BCAR3: variants seen among roughly 807,000 people sequenced by gnomAD.
BCAR3 encodes breast cancer anti-estrogen resistance protein 3.
A neutral mutation model predicts 80.1 loss-of-function variants in BCAR3; 37 were observed. That is an observed-to-expected ratio of 0.46 (90% CI 0.36 to 0.61). The LOEUF is 0.61. BCAR3 is among the 20% of genes least tolerant of loss of function. The pLI, the probability that BCAR3 is intolerant of heterozygous loss-of-function variation, is 0.00. For missense variants in BCAR3, 978 were observed against 1,068.2 expected, an observed-to-expected ratio of 0.92 and a Z score of 1.18; for synonymous variants, 389 against 418.9, an observed-to-expected ratio of 0.93 and a Z score of 0.87.
intron 2 of BCAR3, among the ~76,000 whole-genome samples, chr1:93,815,426 C>T (rs545780705): frequency 6.6e-6 from 1 of 152,256 alleles, no homozygotes; most frequent in African/African-American, 2.4e-5. Flanking sequence ...AGAACAGAGG[C>T]ATTTGCAGTA....
intron 7 of BCAR3, among the ~76,000 whole-genome samples, chr1:93,578,097 G>A (rs987616294): frequency 2.0e-5 from 3 of 152,208 alleles, no homozygotes; most frequent in African/African-American, 7.2e-5. Flanking sequence ...CACCCCCGAT[G>A]AGGCTTCCTT....
chr1:93,573,609 T>TTTTTATTATTATTA (rs760911546), intron 8 of BCAR3, among the ~76,000 whole-genome samples: 4 of 142,812 alleles, frequency 2.8e-5, no homozygotes, highest in African/African-American at 1.1e-4. Context: ...AAAATATATT[T>TTTTTATTATTATTA]TTATTATTAT....
chr1:93,669,775 A>G, intron 2 of BCAR3, among the ~76,000 whole-genome samples: 1 of 152,258 alleles, frequency 6.6e-6, no homozygotes, highest in East Asian at 1.9e-4. Context: ...GAATGAATTA[A>G]CAGCATTTGC....
intron 2 of BCAR3, among the ~76,000 whole-genome samples, chr1:93,777,787 T>C (rs1162712985): frequency 1.3e-5 from 2 of 152,204 alleles, no homozygotes; most frequent in African/African-American, 4.8e-5. Flanking sequence ...CCTTCTCCAC[T>C]ATTTGGTTAC....
At chr1:93,614,695 G>A (rs566825203) in intron 3 of BCAR3, among the ~76,000 whole-genome samples, 4 of 152,258 alleles carry the variant, frequency 2.6e-5, no homozygotes, top group South Asian at 2.1e-4. Context: ...CACCCTGAGC[G>A]CCCTATGCCC....
At position 93,567,415 on chromosome 1, in the gene BCAR3, AGCCTG is replaced by A; in HGVS notation, c.2158_2162del (p.Gln720CysfsTer4). 1 of 1,614,222 alleles carries A rather than the reference AGCCTG, an allele frequency of 6.2e-7. No individual in the cohort carries two copies. Among genetic ancestry groups the A allele is most frequent in the Admixed American group, 1.7e-5 (1 of 60,024 alleles). On this transcript the variant is annotated frameshift_variant, in exon 11 of 12. Transcript: ENST00000260502. LOFTEE classifies it high-confidence loss of function. ...ACATGTCGGTTCCTTCAAAAGTCAC[AGCCTG>A]GCGCTCCATTAACGTCACAAGCGGC...
chr1:93,615,430 T>C (rs368845755), intron 3 of BCAR3, among the ~76,000 whole-genome samples: 68 of 152,318 alleles, frequency 4.5e-4, no homozygotes, highest in South Asian at 1.9e-3. Context: ...TGAGGCGCTA[T>C]TGCCACAGCG....
chr1:93,771,726 C>T (rs1327378357), intron 2 of BCAR3, among the ~76,000 whole-genome samples: 1 of 152,214 alleles, frequency 6.6e-6, no homozygotes, highest in African/African-American at 2.4e-5. Context: ...ATGAACACCT[C>T]ACGCAACACA....
At chr1:93,633,227 A>G (rs79053973) in intron 3 of BCAR3, among the ~76,000 whole-genome samples, 1,775 of 152,212 alleles carry the variant, frequency 0.012, 37 homozygotes, top group African/African-American at 0.041. Context: ...TTCTGGCACA[A>G]TGCTAGGTAC....
chr1:93,714,071 C>T (rs1263013486), intron 2 of BCAR3, among the ~76,000 whole-genome samples: 1 of 152,156 alleles, frequency 6.6e-6, no homozygotes, highest in Non-Finnish European at 1.5e-5. Context: ...CAAGCTCCGC[C>T]TCCTGGGTTC....
chr1:93,600,548 C>T (rs1278358932), intron 3 of BCAR3: 1 of 152,216 alleles, frequency 6.6e-6, no homozygotes, highest in Non-Finnish European at 1.5e-5. Context: ...GTTATGCTTC[C>T]AAGGGCTCAC....
At chr1:93,772,481 C>T (rs976415869) in intron 2 of BCAR3, among the ~76,000 whole-genome samples, 5 of 152,198 alleles carry the variant, frequency 3.3e-5, no homozygotes, top group African/African-American at 1.2e-4. Context: ...TTAGCTCTTT[C>T]CCAGCATCTA....
chr1:93,674,473 A>G (rs988895766), intron 2 of BCAR3, 141 bp downstream of exon 2: 20 of 919,360 alleles, frequency 2.2e-5, no homozygotes, highest in Non-Finnish European at 3.0e-5. Context: ...TCTGGTCTCA[A>G]ACTCCTAACC....
intron 2 of BCAR3, among the ~76,000 whole-genome samples, chr1:93,826,701 G>T (rs890433682): frequency 3.3e-5 from 5 of 152,132 alleles, no homozygotes; most frequent in South Asian, 2.1e-4. Context: ...CAGGAATTGG[G>T]GGCAGAACAG....
chr1:93,798,813 T>G (rs1295115453), intron 2 of BCAR3, among the ~76,000 whole-genome samples: 2 of 152,132 alleles, frequency 1.3e-5, no homozygotes, highest in African/African-American at 2.4e-5. Context: ...CTCCTGCAAA[T>G]TCTGACTGGG....
intron 11 of BCAR3, 63 bp from the exon 12 acceptor site, chr1:93,562,482 T>C (rs1672725857): frequency 6.5e-7 from 1 of 1,535,354 alleles, no homozygotes; most frequent in African/African-American, 1.4e-5. Flanking sequence ...AAAAATAGAC[T>C]GAAAGCACCA....
At chr1:93,614,334 G>T (rs1675039489) in intron 3 of BCAR3, among the ~76,000 whole-genome samples, 1 of 152,108 alleles carries the variant, frequency 6.6e-6, no homozygotes. Flanking sequence ...TTCTGGGGCT[G>T]AACTGTACCA....
intron 3 of BCAR3, among the ~76,000 whole-genome samples, chr1:93,704,644 G>A (rs1281092250): frequency 6.6e-6 from 1 of 152,152 alleles, no homozygotes; most frequent in Non-Finnish European, 1.5e-5. Flanking sequence ...GGTGTGAAAG[G>A]AAGTCCTTGA....
chr1:93,811,597 T>C (rs961569056), intron 2 of BCAR3, among the ~76,000 whole-genome samples: 2 of 152,234 alleles, frequency 1.3e-5, no homozygotes, highest in Non-Finnish European at 1.5e-5. Context: ...AAATCCAACC[T>C]ATCCGCCATT....
Sources: allele counts gnomAD v4.1 joint callset (sites outside exome capture counted in the v4.1 genomes callset), GRCh38; gene constraint gnomAD v4.1.1; transcripts MANE v1.5; gene names NCBI Gene and HGNC (gene_info 2026-07-23, HGNC 2026-07-21).